Variants in TMTC3 observed in about 807,000 individuals in gnomAD.
TMTC3 encodes protein O-mannosyl-transferase TMTC3.
Under a neutral mutation model 92.2 loss-of-function variants are expected in TMTC3, and 52 were observed. The observed-to-expected ratio is 0.56, with a 90% CI of 0.45 to 0.71. The LOEUF (loss-of-function observed/expected upper bound fraction) is 0.71. Ranked by LOEUF, TMTC3 falls within the 30% of genes least tolerant of loss-of-function variation. The probability of loss-of-function intolerance (pLI) is 0.00; values close to 1 mark genes in which losing one functional copy is unlikely to be tolerated. For synonymous variants in TMTC3, 339 were observed against 363.3 expected (o/e 0.93, Z 0.76); for missense variants, 896 against 1,057.1 (o/e 0.85, Z 2.11).
chr12:88,144,858 T>C (rs2468223), intron 1 of TMTC3, among the ~76,000 whole-genome samples: 115,693 of 152,150 alleles, frequency 0.76, 49,188 homozygotes, highest in East Asian at 0.96. Flanking sequence ...ACTGTATATT[T>C]TTGAGGAAAA....
rs2041522224 is a variant in TMTC3 at position 88,197,101 on chromosome 12, A to AT, written c.*1458dup. On this transcript the variant is annotated 3_prime_UTR_variant, in exon 14 of 14. Transcript: ENST00000266712. ...ATTATATAGTATTTCAAAACTATAT[A>AT]TTTTTTAGTTCCTTTGAGATAACTA... 6.6e-6 allele frequency: 1 copy of AT among 152,038 alleles called. No homozygotes were observed. Among genetic ancestry groups the AT allele is most frequent in the Admixed American group, 6.6e-5 (1 of 15,202 alleles). 9.4% of individuals were successfully genotyped at this position (152,038 alleles called of 1,614,324 possible). A position where few individuals can be genotyped will look rare whatever the true frequency, so the allele number is the denominator to read the frequency against.
intron 1 of TMTC3, among the ~76,000 whole-genome samples, chr12:88,145,984 C>T (rs2040868684): frequency 6.6e-6 from 1 of 152,152 alleles, no homozygotes; most frequent in South Asian, 2.1e-4. Context: ...AATCAGTCAT[C>T]CCATCCACTT....
Position 88,174,635 on chromosome 12 carries a change from C to T in TMTC3, c.1228C>T (p.Leu410=), listed in dbSNP as rs762200095. ...SVFKKLSWIC[L]SMVILTHSLK... Reference sequence around the variant, plus strand: ...ATTTAAAAAGCTATCCTGGATTTGTCTGTCTATGGTGATACTCACTCATTC... The same window carrying T: ...ATTTAAAAAGCTATCCTGGATTTGTTTGTCTATGGTGATACTCACTCATTC... The change falls in exon 9 of 14, where the codon CTG becomes TTG. Residue 410 remains leucine (L), a synonymous_variant. Coordinates refer to ENST00000266712, the MANE Select transcript of TMTC3 (RefSeq NM_181783.4). 1 of 1,610,578 alleles carries T rather than the reference C, an allele frequency of 6.2e-7. No homozygotes were observed. The highest frequency in any genetic ancestry group is 1.1e-5 in the South Asian group (1 of 90,632).
At chr12:88,154,628 A>G (rs1244569830) in intron 4 of TMTC3, among the ~76,000 whole-genome samples, 1 of 152,190 alleles carries the variant, frequency 6.6e-6, no homozygotes, top group Non-Finnish European at 1.5e-5. Context: ...TAATTTTAAA[A>G]ACCAAATAAC....
chr12:88,161,884 A>G (rs2041083975), intron 6 of TMTC3, among the ~76,000 whole-genome samples: 1 of 151,510 alleles, frequency 6.6e-6, no homozygotes, highest in African/African-American at 2.4e-5. Context: ...ACTTTTGTGC[A>G]GTTTGCATAT....
At chr12:88,147,236 C>T (rs1029644486) in intron 1 of TMTC3, among the ~76,000 whole-genome samples, 3 of 151,906 alleles carry the variant, frequency 2.0e-5, no homozygotes, top group African/African-American at 7.2e-5. Context: ...GCACTGAAAC[C>T]ACAGGTTTAA....
chr12:88,172,333 T>C (rs1271356733), intron 7 of TMTC3, among the ~76,000 whole-genome samples: 1 of 151,978 alleles, frequency 6.6e-6, no homozygotes, highest in Non-Finnish European at 1.5e-5. Context: ...TTCATAGATA[T>C]CCTCTAATTT....
intron 10 of TMTC3, among the ~76,000 whole-genome samples, chr12:88,187,662 C>T (rs935376862): frequency 2.6e-5 from 4 of 152,154 alleles, no homozygotes; most frequent in African/African-American, 9.7e-5. Context: ...CAATTGCCAG[C>T]CTAAAACATT....
chr12:88,187,927 C>T (rs1272781288), intron 10 of TMTC3, among the ~76,000 whole-genome samples: 1 of 152,034 alleles, frequency 6.6e-6, no homozygotes. Flanking sequence ...GCAAGTATAT[C>T]TTTTTAAAAA....
chr12:88,178,885 T>G (rs950196318), intron 10 of TMTC3, among the ~76,000 whole-genome samples: 1 of 152,210 alleles, frequency 6.6e-6, no homozygotes, highest in Non-Finnish European at 1.5e-5. Context: ...AAATACTAAG[T>G]TAAGTGTGTG....
chr12:88,197,692 C>T lies in TMTC3; in HGVS notation c.*2043C>T, dbSNP rs529307145. 6.6e-6 allele frequency: 1 copy of T among 151,670 alleles called. No individual in the cohort carries two copies. Among genetic ancestry groups the T allele is most frequent in the South Asian group, 2.1e-4 (1 of 4,812 alleles). 9.4% of individuals were successfully genotyped at this position (151,670 alleles called of 1,614,324 possible). A position where few individuals can be genotyped will look rare whatever the true frequency, so the allele number is the denominator to read the frequency against. Reference sequence around the variant, plus strand: ...AAATTACCTTATTATTAGAACTGTGCCTATTACATAAAAAGTGCTCATGTA... The same window carrying T: ...AAATTACCTTATTATTAGAACTGTGTCTATTACATAAAAAGTGCTCATGTA... On this transcript the variant is annotated 3_prime_UTR_variant, in exon 14 of 14. Transcript: ENST00000266712.
intron 13 of TMTC3, among the ~76,000 whole-genome samples, chr12:88,194,329 A>T (rs956233232): frequency 2.0e-5 from 3 of 152,202 alleles, no homozygotes; most frequent in Admixed American, 6.5e-5. Context: ...ACATTTTTTA[A>T]AATGTGATAC....
chr12:88,181,745 A>G (rs2041320075), intron 10 of TMTC3, among the ~76,000 whole-genome samples: 1 of 151,526 alleles, frequency 6.6e-6, no homozygotes, highest in Non-Finnish European at 1.5e-5. Context: ...TGAGCAGAAA[A>G]GGTCTCCAGG....
intron 6 of TMTC3, among the ~76,000 whole-genome samples, chr12:88,163,825 A>G (rs2041108976): frequency 6.6e-6 from 1 of 152,186 alleles, no homozygotes; most frequent in Non-Finnish European, 1.5e-5. Context: ...GTTAGGGTAG[A>G]CATGAATTTT....
intron 12 of TMTC3, 35 bp from the exon 13 acceptor site, chr12:88,192,569 G>A (rs200585501): frequency 2.5e-4 from 372 of 1,513,312 alleles, no homozygotes; most frequent in Middle Eastern, 1.7e-3. Flanking sequence ...AGATGGTAAT[G>A]TTGTAAGTAA....
intron 8 of TMTC3, 27 bp from the exon 9 acceptor site, chr12:88,174,580 T>C (rs775135932): frequency 6.3e-7 from 1 of 1,588,786 alleles, no homozygotes. Flanking sequence ...ACAATTTTTT[T>C]TGTTTTGCTT....
intron 1 of TMTC3, among the ~76,000 whole-genome samples, chr12:88,147,388 C>T (rs150662436): frequency 6.6e-6 from 1 of 152,208 alleles, no homozygotes; most frequent in Non-Finnish European, 1.5e-5. Flanking sequence ...CTGACCTGTA[C>T]ACAAAACTTG....
At chr12:88,192,872 TTATAA>T (rs767901270) in intron 13 of TMTC3, 42 bp downstream of exon 13, 3 of 1,502,870 alleles carry the variant, frequency 2.0e-6, no homozygotes, top group East Asian at 2.5e-5. Context: ...AAATTGTAGT[TTATAA>T]TATAATAAGA....
At position 88,192,142 on chromosome 12, in the gene TMTC3, A is replaced by G. The variant is rs148634288; in HGVS notation, c.1707-462A>G. Among the ~76,000 whole-genome samples the G allele has an allele frequency of 2.2e-3, 326 of 149,580 alleles. 4 individuals are homozygous for G. Among genetic ancestry groups the G allele is most frequent in the African/African-American group, 7.9e-3 (316 of 40,130 alleles). On this transcript the variant is annotated intron_variant, in intron 12 of 13. Coordinates refer to ENST00000266712, the MANE Select transcript of TMTC3 (RefSeq NM_181783.4). ...TGGTTTTTTGCATAGTGAGCCTTCT[A>G]TTATACATTCAAATATTGGAATTTC...
Sources: allele counts gnomAD v4.1 joint callset (sites outside exome capture counted in the v4.1 genomes callset), GRCh38; gene constraint gnomAD v4.1.1; transcripts MANE v1.5; gene names NCBI Gene and HGNC (gene_info 2026-07-23, HGNC 2026-07-21).